HECW1: variants seen among roughly 807,000 people sequenced by gnomAD.
The protein encoded by HECW1 is HECT, C2 and WW domain containing E3 ubiquitin protein ligase 1.
Under a neutral mutation model 182.3 loss-of-function variants are expected in HECW1, and 61 were observed. The ratio of observed to expected loss-of-function variants is 0.33; its 90% confidence interval spans 0.27 to 0.41. The LOEUF is 0.41. HECW1 is among the 10% of genes least tolerant of loss of function. The pLI, the probability that HECW1 is intolerant of heterozygous loss-of-function variation, is 1.00. For synonymous variants in HECW1, 859 were observed against 832.6 expected (o/e 1.03, Z -0.55); for missense variants, 1,739 against 2,108.9 (o/e 0.82, Z 3.44).
intron 11 of HECW1, among the ~76,000 whole-genome samples, chr7:43,449,416 A>G (rs1431065896): frequency 6.6e-6 from 1 of 152,244 alleles, no homozygotes; most frequent in Non-Finnish European, 1.5e-5. Flanking sequence ...TTAACATTTA[A>G]AAGGACCCTT....
At position 43,466,428 on chromosome 7, in the gene HECW1, T is replaced by G; in HGVS notation, c.2792-19T>G. 6.2e-7 allele frequency: 1 copy of G among 1,612,444 alleles called. No homozygotes were observed. The highest frequency in any genetic ancestry group is 8.5e-7 in the Non-Finnish European group (1 of 1,178,994). On this transcript the variant is annotated intron_variant, in intron 14 of 29. Coordinates refer to ENST00000395891, the MANE Select transcript of HECW1 (RefSeq NM_015052.5). ...CTTTTTCCCAATGCATTCTGTTGCTTTGCTTCACTTTTTTTCAGATCTAAG... is the reference window on the plus strand; with the variant it reads ...CTTTTTCCCAATGCATTCTGTTGCTGTGCTTCACTTTTTTTCAGATCTAAG...
intron 17 of HECW1, among the ~76,000 whole-genome samples, chr7:43,490,238 T>C (rs1254314770): frequency 1.3e-5 from 2 of 152,106 alleles, no homozygotes; most frequent in African/African-American, 4.8e-5. Flanking sequence ...GATCAGACCA[T>C]GTTCAAATAA....
intron 2 of HECW1, among the ~76,000 whole-genome samples, chr7:43,212,391 C>A (rs1489393842): frequency 6.6e-6 from 1 of 152,074 alleles, no homozygotes; most frequent in African/African-American, 2.4e-5. Context: ...ATACTAGCTG[C>A]TAGACTGATA....
intron 24 of HECW1, among the ~76,000 whole-genome samples, chr7:43,524,067 A>G (rs918727200): frequency 6.6e-6 from 1 of 152,174 alleles, no homozygotes; most frequent in African/African-American, 2.4e-5. Flanking sequence ...GCAACTGCAG[A>G]ATTTATTTTA....
chr7:43,438,229 T>A, intron 9 of HECW1, 84 bp downstream of exon 9: 1 of 1,173,130 alleles, frequency 8.5e-7, no homozygotes, highest in Non-Finnish European at 1.2e-6. Context: ...TGCAATAGTA[T>A]AGTCTCACAG....
intron 29 of HECW1, among the ~76,000 whole-genome samples, chr7:43,557,199 G>A (rs1205272214): frequency 1.3e-5 from 2 of 152,188 alleles, no homozygotes; most frequent in African/African-American, 4.8e-5. Context: ...CCCTGAGCAG[G>A]CAGGAAGCAA....
intron 8 of HECW1, among the ~76,000 whole-genome samples, chr7:43,429,319 T>C (rs200319372): frequency 5.6e-4 from 54 of 96,934 alleles, no homozygotes; most frequent in Non-Finnish European, 8.6e-4. Context: ...TATATATATA[T>C]ATATATATAT....
At chr7:43,277,099 A>G (rs949012851) in intron 3 of HECW1, among the ~76,000 whole-genome samples, 3 of 152,166 alleles carry the variant, frequency 2.0e-5, no homozygotes, top group Admixed American at 6.5e-5. Context: ...TATCTAATGT[A>G]AGAACAGATT....
At chr7:43,350,228 A>T (rs1319032697) in intron 5 of HECW1, among the ~76,000 whole-genome samples, 1 of 152,166 alleles carries the variant, frequency 6.6e-6, no homozygotes, top group Admixed American at 6.5e-5. Flanking sequence ...CTGCTGAGAA[A>T]TCTGCTGTCA....
chr7:43,208,007 A>C (rs974713304), intron 2 of HECW1: 50 of 152,232 alleles, frequency 3.3e-4, no homozygotes, highest in African/African-American at 1.2e-3. Flanking sequence ...TACCTCAATT[A>C]GAAATTCCAT....
chr7:43,258,582 C>T (rs1268888850), intron 3 of HECW1: 1 of 152,120 alleles, frequency 6.6e-6, no homozygotes, highest in African/African-American at 2.4e-5. Flanking sequence ...AGCCAGTGTA[C>T]TTGAATGGGA....
chr7:43,545,208 G>A (rs768728030), intron 26 of HECW1, among the ~76,000 whole-genome samples: 6 of 152,236 alleles, frequency 3.9e-5, no homozygotes, highest in Non-Finnish European at 8.8e-5. Context: ...TGGCTGGGAG[G>A]TTAGGTGGGA....
chr7:43,528,415 T>A (rs1036491906), intron 24 of HECW1, among the ~76,000 whole-genome samples: 2 of 152,186 alleles, frequency 1.3e-5, no homozygotes, highest in South Asian at 4.1e-4. Flanking sequence ...TTAACCTAAT[T>A]TAATCCTTAT....
chr7:43,382,419 T>C (rs1028292741), intron 6 of HECW1, among the ~76,000 whole-genome samples: 14 of 152,326 alleles, frequency 9.2e-5, no homozygotes, highest in African/African-American at 3.1e-4. Context: ...AAAAGTTAAT[T>C]AGTACTGTTT....
At chr7:43,473,636 A>C in intron 16 of HECW1, among the ~76,000 whole-genome samples, 1 of 152,146 alleles carries the variant, frequency 6.6e-6, no homozygotes, top group East Asian at 1.9e-4. Flanking sequence ...AAAAAAAAAA[A>C]AGTAAGGAAG....
At chr7:43,245,442 C>T (rs1799297200) in intron 3 of HECW1, 1 of 152,338 alleles carries the variant, frequency 6.6e-6, no homozygotes, top group African/African-American at 2.4e-5. Context: ...GAGTGCATTT[C>T]ACATTCAGGA....
intron 3 of HECW1, chr7:43,248,830 T>C (rs2152724762): frequency 6.6e-6 from 1 of 152,334 alleles, no homozygotes; most frequent in East Asian, 1.9e-4. Context: ...TAGGCCACTC[T>C]ATTGCAACAG....
chr7:43,473,882 T>A (rs1331093960), intron 16 of HECW1, among the ~76,000 whole-genome samples: 2 of 151,824 alleles, frequency 1.3e-5, no homozygotes, highest in Non-Finnish European at 1.5e-5. Flanking sequence ...AAGATGGAAA[T>A]AATAAAAGTA....
At chr7:43,512,063 C>CG (rs1175270747) in intron 24 of HECW1, 5 of 218,494 alleles carry the variant, frequency 2.3e-5, no homozygotes, top group African/African-American at 4.5e-5. Flanking sequence ...CTGCTGATCT[C>CG]GGGTCGGTGT....
Sources: allele counts gnomAD v4.1 joint callset (sites outside exome capture counted in the v4.1 genomes callset), GRCh38; gene constraint gnomAD v4.1.1; transcripts MANE v1.5; gene names NCBI Gene and HGNC (gene_info 2026-07-23, HGNC 2026-07-21).